Variants in MGAT4C observed in about 807,000 individuals in gnomAD.
MGAT4C encodes alpha-1,3-mannosyl-glycoprotein 4-beta-N-acetylglucosaminyltransferase C.
Under a neutral mutation model 40.1 loss-of-function variants are expected in MGAT4C, and 19 were observed. The observed-to-expected ratio is 0.47, with a 90% CI of 0.33 to 0.70. The LOEUF (loss-of-function observed/expected upper bound fraction) is 0.70, where lower values mean the gene tolerates loss of function less well. Ranked by LOEUF, MGAT4C falls within the 30% of genes least tolerant of loss-of-function variation. The pLI is 0.02. For synonymous variants in MGAT4C, 181 were observed against 187.1 expected (o/e 0.97, Z 0.27); for missense variants, 491 against 563.2 (o/e 0.87, Z 1.30).
chr12:86,413,841 C>T (rs953824027), intron 3 of MGAT4C, among the ~76,000 whole-genome samples: 4 of 151,940 alleles, frequency 2.6e-5, no homozygotes, highest in Non-Finnish European at 5.9e-5. Context: ...TGGATTTAAC[C>T]GTGGGAGTTT....
At chr12:86,616,966 A>G (rs1282374022) in intron 2 of MGAT4C, among the ~76,000 whole-genome samples, 2 of 152,200 alleles carry the variant, frequency 1.3e-5, no homozygotes, top group Non-Finnish European at 2.9e-5. Flanking sequence ...TTGACTAACA[A>G]GAACATGACA....
At chr12:86,773,511 A>G (rs1310849484) in intron 1 of MGAT4C, among the ~76,000 whole-genome samples, 3 of 152,168 alleles carry the variant, frequency 2.0e-5, no homozygotes, top group African/African-American at 7.2e-5. Context: ...GAAGGCAACC[A>G]ACACAAACAA....
At chr12:86,038,726 C>T (rs1891494322) in intron 2 of MGAT4C, among the ~76,000 whole-genome samples, 1 of 149,656 alleles carries the variant, frequency 6.7e-6, no homozygotes, top group African/African-American at 2.4e-5. Flanking sequence ...GCATTTAGCC[C>T]ATTTACATTT....
At chr12:86,751,412 A>G (rs116306614) in intron 1 of MGAT4C, among the ~76,000 whole-genome samples, 264 of 152,150 alleles carry the variant, frequency 1.7e-3, no homozygotes, top group African/African-American at 6.1e-3. Context: ...TAAAAATCCA[A>G]TATCCTATGA....
Position 86,625,781 on chromosome 12 carries a change from T to C in MGAT4C, c.-229+101428A>G, listed in dbSNP as rs1593055755. 2.0e-5 allele frequency among the ~76,000 whole-genome samples: 3 copies of C among 151,946 alleles called. No individual in the cohort carries two copies. The East Asian group carries it at 5.8e-4, about 29-fold the overall frequency. Reference sequence around the variant, plus strand: ...TATATCTACTGAGAAATAGGAAAAGTAAAATGGAAATGGAATTATATAAAT... The same window carrying C: ...TATATCTACTGAGAAATAGGAAAAGCAAAATGGAAATGGAATTATATAAAT... On this transcript the variant is annotated intron_variant, in intron 2 of 7. Transcript: ENST00000548651.
At chr12:86,835,209 C>A (rs551306790) in intron 1 of MGAT4C, among the ~76,000 whole-genome samples, 3 of 151,890 alleles carry the variant, frequency 2.0e-5, no homozygotes, top group African/African-American at 7.2e-5. Flanking sequence ...CTGAGGAATT[C>A]AGATGTAGAA....
chr12:86,186,605 C>A (rs1481241253), intron 1 of MGAT4C, among the ~76,000 whole-genome samples: 1 of 152,130 alleles, frequency 6.6e-6, no homozygotes, highest in Non-Finnish European at 1.5e-5. Context: ...GAGTGAGGAG[C>A]ACTCATCTTT....
Position 86,451,045 on chromosome 12 carries a change from G to A in MGAT4C, c.-228-15780C>T, listed in dbSNP as rs111460399. ...CCTTTGAAGGTGATGTGGTTTGGAT[G>A]TATGTCTCACACAAATCTCATATAG... On this transcript the variant is annotated intron_variant, in intron 2 of 7. Coordinates refer to the MGAT4C transcript ENST00000548651. Among the ~76,000 whole-genome samples, 1,018 of 152,204 alleles carry A rather than the reference G, an allele frequency of 6.7e-3. 10 individuals carry two copies. The highest frequency in any genetic ancestry group is 0.023 in the African/African-American group (971 of 41,534).
At chr12:86,769,527 A>G (rs1258087356) in intron 1 of MGAT4C, among the ~76,000 whole-genome samples, 5 of 152,240 alleles carry the variant, frequency 3.3e-5, no homozygotes, top group Non-Finnish European at 7.3e-5. Flanking sequence ...ATATACCCAA[A>G]GGATTATAAA....
At chr12:86,744,720 T>G (rs965784185) in intron 1 of MGAT4C, among the ~76,000 whole-genome samples, 1 of 151,202 alleles carries the variant, frequency 6.6e-6, no homozygotes, top group Non-Finnish European at 1.5e-5. Flanking sequence ...GAGTTAGGAG[T>G]CTATGAGTAT....
At position 86,172,206 on chromosome 12, in the gene MGAT4C, A is replaced by T. The variant is rs563390196; in HGVS notation, c.-57+84033T>A. Among the ~76,000 whole-genome samples the T allele has an allele frequency of 1.6e-4, 24 of 152,284 alleles. No homozygotes were observed. In the South Asian group the frequency reaches 4.6e-3, roughly 29 times the overall value. ...TATCTCAGCTACTATTATCATGGAC[A>T]TAATAATTATTATTTTACTCAGAAA... On this transcript the variant is annotated intron_variant, in intron 1 of 4. Transcript: ENST00000611864.
intron 2 of MGAT4C, among the ~76,000 whole-genome samples, chr12:86,601,698 A>G (rs1961788520): frequency 6.6e-6 from 1 of 152,148 alleles, no homozygotes; most frequent in Admixed American, 6.5e-5. Flanking sequence ...CTGTACCACT[A>G]TTAACCCTCA....
chr12:86,686,915 G>C (rs1322349459), intron 2 of MGAT4C, among the ~76,000 whole-genome samples: 2 of 152,200 alleles, frequency 1.3e-5, no homozygotes, highest in Admixed American at 1.3e-4. Flanking sequence ...GATGGTACCA[G>C]CTCCTCTTTG....
At chr12:86,202,017 G>T (rs201470080) in intron 1 of MGAT4C, among the ~76,000 whole-genome samples, 5 of 9,708 alleles carry the variant, frequency 5.2e-4, no homozygotes, top group Non-Finnish European at 2.1e-3. Flanking sequence ...TGAAAAAAAA[G>T]TTATTACATT....
At chr12:86,698,014 T>C (rs1411782161) in intron 2 of MGAT4C, among the ~76,000 whole-genome samples, 4 of 152,154 alleles carry the variant, frequency 2.6e-5, no homozygotes, top group African/African-American at 9.6e-5. Context: ...TCACCATATT[T>C]GTGTGAATTA....
intron 3 of MGAT4C, among the ~76,000 whole-genome samples, chr12:86,339,472 G>T (rs185094146): frequency 6.6e-6 from 1 of 152,130 alleles, no homozygotes; most frequent in Non-Finnish European, 1.5e-5. Context: ...CTCCTTAAAA[G>T]GTCTACTTCA....
intron 2 of MGAT4C, among the ~76,000 whole-genome samples, chr12:86,629,660 A>G (rs1339744456): frequency 6.6e-6 from 1 of 152,210 alleles, no homozygotes. Context: ...ACTACTGGGT[A>G]CATAACGAAA....
At chr12:86,176,605 T>C (rs1887466654) in intron 1 of MGAT4C, among the ~76,000 whole-genome samples, 1 of 151,948 alleles carries the variant, frequency 6.6e-6, no homozygotes, top group African/African-American at 2.4e-5. Context: ...CTGGAAGGAA[T>C]ATTAAAAATA....
At chr12:86,761,166 G>A (rs1951398709) in intron 1 of MGAT4C, among the ~76,000 whole-genome samples, 1 of 152,136 alleles carries the variant, frequency 6.6e-6, no homozygotes, top group South Asian at 2.1e-4. Flanking sequence ...TGGCCTCCAT[G>A]GAATGATGGC....
Sources: allele counts gnomAD v4.1 joint callset (sites outside exome capture counted in the v4.1 genomes callset), GRCh38; gene constraint gnomAD v4.1.1; transcripts MANE v1.5; gene names NCBI Gene and HGNC (gene_info 2026-07-23, HGNC 2026-07-21).